The following NELL1 variants were observed in gnomAD, a reference collection of about 807,000 sequenced individuals.
The protein encoded by NELL1 is protein kinase C-binding protein NELL1.
NELL1 carries 76 observed loss-of-function variants against 107.4 expected under a neutral mutation model. That is an observed-to-expected ratio of 0.71 (90% CI 0.59 to 0.86). The LOEUF (loss-of-function observed/expected upper bound fraction) is 0.86, where lower values mean the gene tolerates loss of function less well. Ranked by LOEUF, NELL1 falls within the 40% of genes least tolerant of loss-of-function variation. The pLI, the probability that NELL1 is intolerant of heterozygous loss-of-function variation, is 0.00. For missense variants in NELL1, 1,024 were observed against 1,005.5 expected (o/e 1.02, Z -0.25); for synonymous variants, 353 against 341.2 (o/e 1.03, Z -0.38).
intron 2 of NELL1, among the ~76,000 whole-genome samples, chr11:20,743,748 C>T (rs1224168891): frequency 6.6e-6 from 1 of 152,192 alleles, no homozygotes; most frequent in Non-Finnish European, 1.5e-5. Flanking sequence ...TCTCTGGTCA[C>T]ATGGCTCCAA....
At chr11:20,901,963 A>G (rs762682424) in intron 5 of NELL1, among the ~76,000 whole-genome samples, 1 of 152,142 alleles carries the variant, frequency 6.6e-6, no homozygotes, top group African/African-American at 2.4e-5. Context: ...TGTACAGTAT[A>G]AGGAAAAGCT....
At chr11:21,559,813 C>G (rs1216853750) in intron 16 of NELL1, among the ~76,000 whole-genome samples, 1 of 151,994 alleles carries the variant, frequency 6.6e-6, no homozygotes, top group Non-Finnish European at 1.5e-5. Context: ...TGTTTATGGC[C>G]TCTGGATGAA....
At chr11:21,492,675 C>T (rs35223295) in intron 15 of NELL1, among the ~76,000 whole-genome samples, 331 of 141,156 alleles carry the variant, frequency 2.3e-3, no homozygotes, top group African/African-American at 8.4e-3. Flanking sequence ...TGTTCTCACT[C>T]ATAGGTGGGA....
chr11:20,938,733 G>A (rs139143107), intron 10 of NELL1, among the ~76,000 whole-genome samples: 189 of 152,272 alleles, frequency 1.2e-3, no homozygotes, highest in African/African-American at 4.3e-3. Context: ...AATAAAGGGA[G>A]CAGGTTTTAC....
At chr11:20,879,819 A>T (rs1456511072) in intron 4 of NELL1, among the ~76,000 whole-genome samples, 1 of 152,220 alleles carries the variant, frequency 6.6e-6, no homozygotes, top group African/African-American at 2.4e-5. Flanking sequence ...TACATAGAAA[A>T]GTTTACGATT....
intron 5 of NELL1, among the ~76,000 whole-genome samples, chr11:20,907,958 A>G (rs1418174899): frequency 6.6e-6 from 1 of 152,166 alleles, no homozygotes; most frequent in Non-Finnish European, 1.5e-5. Flanking sequence ...AAAGAGTTAA[A>G]CATCACTGAT....
At chr11:21,293,023 T>A (rs150654245) in intron 14 of NELL1, among the ~76,000 whole-genome samples, 4,504 of 151,872 alleles carry the variant, frequency 0.03, 232 homozygotes, top group African/African-American at 0.1. Flanking sequence ...ATGGGCAAAG[T>A]CTTCATGACT....
chr11:21,455,710 T>C (rs1004870333), intron 15 of NELL1, among the ~76,000 whole-genome samples: 1 of 152,150 alleles, frequency 6.6e-6, no homozygotes, highest in Non-Finnish European at 1.5e-5. Flanking sequence ...GTTTTCTTTA[T>C]GGTCTTCCTC....
At chr11:21,054,315 C>A (rs969485340) in intron 12 of NELL1, among the ~76,000 whole-genome samples, 1 of 151,992 alleles carries the variant, frequency 6.6e-6, no homozygotes, top group South Asian at 2.1e-4. Flanking sequence ...AATATTGAAA[C>A]CATAATTTTT....
chr11:21,139,695 G>A (rs1420224360), intron 13 of NELL1, among the ~76,000 whole-genome samples: 1 of 152,214 alleles, frequency 6.6e-6, no homozygotes, highest in African/African-American at 2.4e-5. Context: ...TAGGTGATCA[G>A]TAAATATGAC....
chr11:20,884,517 C>T (rs939679114), intron 4 of NELL1, among the ~76,000 whole-genome samples: 5 of 1,504 alleles, frequency 3.3e-3, no homozygotes, highest in Admixed American at 4.8e-3. Context: ...GGTACTTGCC[C>T]GGGGTGAGGT....
At chr11:21,274,742 AACTC>A (rs1203132664) in intron 14 of NELL1, among the ~76,000 whole-genome samples, 2 of 152,198 alleles carry the variant, frequency 1.3e-5, no homozygotes, top group African/African-American at 4.8e-5. Context: ...AGGATTAAGA[AACTC>A]ACTCAAAACC....
chr11:21,249,427 A>T (rs1311909671), intron 14 of NELL1, among the ~76,000 whole-genome samples: 2 of 149,184 alleles, frequency 1.3e-5, no homozygotes, highest in Non-Finnish European at 3.0e-5. Context: ...ACAGTTACTT[A>T]TTTTTTTTTT....
chr11:21,226,278 G>A (rs901783573), intron 13 of NELL1, among the ~76,000 whole-genome samples: 1 of 152,152 alleles, frequency 6.6e-6, no homozygotes, highest in African/African-American at 2.4e-5. Context: ...ATCCCAGTAG[G>A]AATTGGGGGC....
chr11:21,032,069 A>C (rs936262561), intron 12 of NELL1, among the ~76,000 whole-genome samples: 122 of 149,044 alleles, frequency 8.2e-4, no homozygotes, highest in African/African-American at 2.7e-3. Context: ...AATAATAATA[A>C]TAATAATAAT....
intron 15 of NELL1, among the ~76,000 whole-genome samples, chr11:21,378,988 C>T (rs574732192): frequency 2.0e-4 from 31 of 151,900 alleles, no homozygotes; most frequent in Admixed American, 5.9e-4. Context: ...AAAGTGTGCC[C>T]GGCCAACACT....
chr11:21,562,237 C>A (rs753097825), intron 17 of NELL1, among the ~76,000 whole-genome samples: 2 of 151,970 alleles, frequency 1.3e-5, no homozygotes, highest in Admixed American at 1.3e-4. Context: ...ATCCAAGCAA[C>A]GTATATTGAT....
chr11:20,788,135 C>T (rs925295855), intron 3 of NELL1, among the ~76,000 whole-genome samples: 1 of 152,156 alleles, frequency 6.6e-6, no homozygotes, highest in African/African-American at 2.4e-5. Flanking sequence ...ATTGTTTCCA[C>T]TCTTGGCTAT....
At chr11:20,794,851 C>G (rs1857140421) in intron 3 of NELL1, among the ~76,000 whole-genome samples, 1 of 152,106 alleles carries the variant, frequency 6.6e-6, no homozygotes, top group African/African-American at 2.4e-5. Flanking sequence ...GTTCGATTTT[C>G]AGTTAAAAGT....
Sources: allele counts gnomAD v4.1 joint callset (sites outside exome capture counted in the v4.1 genomes callset), GRCh38; gene constraint gnomAD v4.1.1; transcripts MANE v1.5; gene names NCBI Gene and HGNC (gene_info 2026-07-23, HGNC 2026-07-21).